Variants in GPHN observed in about 807,000 individuals in gnomAD.
The protein encoded by GPHN is gephyrin.
In GPHN, 17 loss-of-function variants were observed where a neutral mutation model predicts 95.5. That is an observed-to-expected ratio of 0.18 (90% CI 0.12 to 0.27). The LOEUF (loss-of-function observed/expected upper bound fraction) is 0.27, where lower values mean the gene tolerates loss of function less well. Ranked by LOEUF, GPHN falls within the 10% of genes least tolerant of loss-of-function variation. GPHN has a pLI of 1.00. For synonymous variants in GPHN, 320 were observed against 322.5 expected, an observed-to-expected ratio of 0.99 and a Z score of 0.08; for missense variants, 660 against 978.1, an observed-to-expected ratio of 0.67 and a Z score of 4.34.
At chr14:66,789,119 C>CT (rs1310291556) in intron 3 of GPHN, among the ~76,000 whole-genome samples, 1 of 152,286 alleles carries the variant, frequency 6.6e-6, no homozygotes, top group African/African-American at 2.4e-5. Context: ...AATAATACCC[C>CT]TTTAACTATC....
intron 1 of GPHN, among the ~76,000 whole-genome samples, chr14:66,673,351 C>G (rs2066409585): frequency 6.6e-6 from 1 of 152,190 alleles, no homozygotes; most frequent in African/African-American, 2.4e-5. Flanking sequence ...CTCGGCCTCC[C>G]AAAGTGCCGG....
the GPHN span, among the ~76,000 whole-genome samples, chr14:67,478,400 T>C: frequency 6.6e-6 from 1 of 152,356 alleles, no homozygotes; most frequent in East Asian, 1.9e-4. Flanking sequence ...ACTCTTCTCA[T>C]TGCTGCCACT....
intron 1 of GPHN, among the ~76,000 whole-genome samples, chr14:66,646,978 C>G (rs1416251567): frequency 2.6e-5 from 4 of 151,986 alleles, no homozygotes; most frequent in African/African-American, 7.2e-5. Flanking sequence ...CTCACTGTAG[C>G]CTTGAGCTCC....
intron 2 of GPHN, 88 bp downstream of exon 2, chr14:66,681,273 T>A: frequency 1.2e-6 from 1 of 848,136 alleles, no homozygotes. Context: ...TGAAAACTTA[T>A]TTAAGGTACA....
intron 1 of GPHN, among the ~76,000 whole-genome samples, chr14:66,517,580 G>A (rs1180096286): frequency 6.6e-6 from 1 of 152,178 alleles, no homozygotes; most frequent in African/African-American, 2.4e-5. Context: ...CATGGTACTG[G>A]TGTAAAAACA....
intron 19 of GPHN, among the ~76,000 whole-genome samples, chr14:67,160,676 A>G (rs1309450646): frequency 1.3e-5 from 2 of 152,152 alleles, no homozygotes; most frequent in East Asian, 1.9e-4. Context: ...GGACAACAGT[A>G]ATGATGCTTT....
At chr14:67,284,634 T>C in the GPHN span, among the ~76,000 whole-genome samples, 1 of 142,570 alleles carries the variant, frequency 7.0e-6, no homozygotes, top group Non-Finnish European at 1.5e-5. Context: ...TATGTACCCA[T>C]TAATGGTCAC....
intron 3 of GPHN, among the ~76,000 whole-genome samples, chr14:66,800,883 C>T (rs1324556822): frequency 2.0e-5 from 3 of 151,846 alleles, no homozygotes; most frequent in Admixed American, 2.0e-4. Context: ...GTTTCTTATT[C>T]TTTTTTCTTT....
chr14:67,163,863 AC>A (rs1333690659), intron 19 of GPHN, among the ~76,000 whole-genome samples: 18 of 151,816 alleles, frequency 1.2e-4, no homozygotes, highest in Admixed American at 1.1e-3. Context: ...GAAAAAAAAA[AC>A]ACTATTCTCA....
At chr14:67,280,966 C>T in the GPHN span, among the ~76,000 whole-genome samples, 1 of 149,554 alleles carries the variant, frequency 6.7e-6, no homozygotes. Context: ...GTGCAATCTT[C>T]GGCTCACAGC....
the GPHN span, among the ~76,000 whole-genome samples, chr14:67,213,334 T>G: frequency 9.5e-6 from 1 of 105,660 alleles, no homozygotes; most frequent in East Asian, 3.0e-4. Flanking sequence ...CCCACAACAG[T>G]CCCTGGAGTG....
intron 11 of GPHN, among the ~76,000 whole-genome samples, chr14:67,060,249 C>A (rs1413456610): frequency 6.6e-6 from 1 of 150,396 alleles, no homozygotes; most frequent in East Asian, 1.9e-4. Flanking sequence ...ATTTTTCCTC[C>A]AGAGAAAAAT....
chr14:67,074,836 G>C (rs1279492511), intron 11 of GPHN, among the ~76,000 whole-genome samples: 1 of 152,156 alleles, frequency 6.6e-6, no homozygotes, highest in Non-Finnish European at 1.5e-5. Context: ...AAAAGGTATA[G>C]AAGAAAAGTT....
At chr14:67,626,326 G>A in the GPHN span, among the ~76,000 whole-genome samples, 4 of 152,148 alleles carry the variant, frequency 2.6e-5, no homozygotes, top group South Asian at 4.2e-4. Context: ...TGATAAAAAA[G>A]ATAGACAATA....
intron 1 of GPHN, among the ~76,000 whole-genome samples, chr14:66,644,119 G>A (rs2064600350): frequency 2.0e-5 from 3 of 151,900 alleles, no homozygotes; most frequent in African/African-American, 7.2e-5. Flanking sequence ...CCTGTCCTTT[G>A]TTGACATTTG....
chr14:67,680,964 A>T, the GPHN span, among the ~76,000 whole-genome samples: 1 of 152,208 alleles, frequency 6.6e-6, no homozygotes, highest in South Asian at 2.1e-4. Context: ...ATAAACCCTT[A>T]TATTTATGGT....
At chr14:66,518,357 A>G (rs571512774) in intron 1 of GPHN, among the ~76,000 whole-genome samples, 1 of 152,120 alleles carries the variant, frequency 6.6e-6, no homozygotes, top group Non-Finnish European at 1.5e-5. Context: ...CCAAGGATGT[A>G]GAGAAAAGGG....
At chr14:66,841,028 GA>G (rs1567006849) in intron 4 of GPHN, among the ~76,000 whole-genome samples, 28 of 133,790 alleles carry the variant, frequency 2.1e-4, no homozygotes, top group Non-Finnish European at 2.6e-4. Context: ...TATAGATATA[GA>G]TATAGGTATA....
At chr14:67,189,078 GT>G in the GPHN span, among the ~76,000 whole-genome samples, 1 of 152,130 alleles carries the variant, frequency 6.6e-6, no homozygotes, top group Non-Finnish European at 1.5e-5. Context: ...CCTTAAATAT[GT>G]TTAAGTCTCT....
Sources: gnomAD v4.1 joint callset for allele counts (sites outside exome capture counted in the v4.1 genomes callset) on GRCh38, gnomAD v4.1.1 for gene constraint, MANE v1.5 for transcripts, NCBI Gene and HGNC (gene_info 2026-07-23, HGNC 2026-07-21) for gene names.